PCDHGA8: variants seen among roughly 807,000 people sequenced by gnomAD.
The protein encoded by PCDHGA8 is protocadherin gamma subfamily A, 8.
Under a neutral mutation model 59.2 loss-of-function variants are expected in PCDHGA8, and 45 were observed. The ratio of observed to expected loss-of-function variants is 0.76; its 90% CI spans 0.60 to 0.98. PCDHGA8 has a LOEUF of 0.98. PCDHGA8 is among the 50% of genes least tolerant of loss of function. The probability of loss-of-function intolerance (pLI) is 0.00; values close to 1 mark genes in which losing one functional copy is unlikely to be tolerated. For missense variants in PCDHGA8, 1,257 were observed against 1,196.2 expected, an observed-to-expected ratio of 1.05 and a Z score of -0.75; for synonymous variants, 531 against 519.0, an observed-to-expected ratio of 1.02 and a Z score of -0.32.
chr5:141,431,397 C>A lies in PCDHGA8; in HGVS notation c.2424+36160C>A. ...AAGGCTGCTCACCACCTGGTCCTTA[C>A]GGCCTCCGACGGGGGCGACCCGGTG... On this transcript the variant is annotated intron_variant, in intron 1 of 3. Coordinates refer to ENST00000398604, the MANE Select transcript of PCDHGA8 (RefSeq NM_032088.2). The surrounding 1 kb of genome is among the most constrained non-coding windows in gnomAD (Gnocchi z 4.8). 3.1e-6 allele frequency: 5 copies of A among 1,613,782 alleles called. No individual in the cohort carries two copies. Among genetic ancestry groups the A allele is most frequent in the Non-Finnish European group, 4.2e-6 (5 of 1,180,034 alleles).
At chr5:141,446,055 G>A (rs1431833512) in intron 1 of PCDHGA8, among the ~76,000 whole-genome samples, 1 of 152,190 alleles carries the variant, frequency 6.6e-6, no homozygotes, top group Non-Finnish European at 1.5e-5. Flanking sequence ...AGCTGGCTTG[G>A]ATTAAAGGGG....
At position 141,432,412 on chromosome 5, in the gene PCDHGA8, C is replaced by G. The variant is rs773688197; in HGVS notation, c.2424+37175C>G. 1.9e-6 allele frequency: 3 copies of G among 1,614,246 alleles called. No individual in the cohort carries two copies. The highest frequency in any genetic ancestry group is 2.2e-5 in the East Asian group (1 of 44,882). ...GCAGCAACGTGTCGTTGAGCCTGTT[C>G]GTGCTGGACCAGAACGACAATGCGC... On this transcript the variant is annotated intron_variant, in intron 1 of 3. Transcript: ENST00000398604. This position sits in a 1 kb window ranked among gnomAD's most constrained non-coding sequence, Gnocchi z 6.0.
At position 141,404,057 on chromosome 5, in the gene PCDHGA8, T is replaced by G. The variant is rs558471539; in HGVS notation, c.2424+8820T>G. ...ACCTCAGGGAACAGTAATTCTTCTT[T>G]TCAATGCTCATGACCGAGACTCCGG... On this transcript the variant is annotated intron_variant, in intron 1 of 3. Coordinates refer to ENST00000398604, the MANE Select transcript of PCDHGA8 (RefSeq NM_032088.2). 9.5e-5 allele frequency: 154 copies of G among 1,613,894 alleles called. No individual in the cohort carries two copies. The East Asian group carries it at 3.4e-3, about 36-fold the overall frequency.
intron 1 of PCDHGA8, among the ~76,000 whole-genome samples, chr5:141,401,338 A>G (rs2094142012): frequency 6.6e-6 from 1 of 152,186 alleles, no homozygotes; most frequent in Non-Finnish European, 1.5e-5. Flanking sequence ...GCAAAACTCC[A>G]TCTCAAAAAA....
intron 1 of PCDHGA8, chr5:141,413,956 G>A (rs2095696052): frequency 2.5e-6 from 4 of 1,613,366 alleles, no homozygotes; most frequent in African/African-American, 2.7e-5. Flanking sequence ...GAATTTGCCT[G>A]TGGGCACTCA....
At chr5:141,417,789 C>G in intron 1 of PCDHGA8, 1 of 1,477,596 alleles carries the variant, frequency 6.8e-7, no homozygotes, top group Non-Finnish European at 9.0e-7. Context: ...GGGCCGAATG[C>G]TCTTTTAGCG....
intron 1 of PCDHGA8, chr5:141,408,352 C>T: frequency 6.2e-7 from 1 of 1,613,918 alleles, no homozygotes; most frequent in South Asian, 1.1e-5. Flanking sequence ...TGGGGAACCT[C>T]GCTAAGGATC....
chr5:141,426,898 C>G (rs1246109323), intron 1 of PCDHGA8: 3 of 456,634 alleles, frequency 6.6e-6, no homozygotes, highest in Admixed American at 4.7e-5. Context: ...CAACAGAGCT[C>G]TCATCTCCTG....
At chr5:141,417,710 TC>T (rs1471403767) in intron 1 of PCDHGA8, 1 of 1,249,228 alleles carries the variant, frequency 8.0e-7, no homozygotes, top group Non-Finnish European at 1.1e-6. Flanking sequence ...ACACAGAGGC[TC>T]CCGGCTGCGC....
Position 141,490,854 on chromosome 5 carries a change from C to T in PCDHGA8, c.2425-3953C>T. On this transcript the variant is annotated intron_variant, in intron 1 of 3. Transcript: ENST00000398604. The surrounding 1 kb of genome is among the most constrained non-coding windows in gnomAD (Gnocchi z 5.4). The stretch of plus-strand genomic sequence containing the variant: ...TGCAGATTGTGGTGGGGGTTCGAGA[C>T]TCCGGCTCTCCCCCATTGCATGCCA... 6.2e-7 allele frequency: 1 copy of T among 1,613,900 alleles called. No homozygotes were observed. The highest frequency in any genetic ancestry group is 8.5e-7 in the Non-Finnish European group (1 of 1,179,914).
intron 1 of PCDHGA8, among the ~76,000 whole-genome samples, chr5:141,438,581 TACATAC>T (rs2097977343): frequency 4.0e-5 from 2 of 49,846 alleles, no homozygotes; most frequent in Non-Finnish European, 6.5e-5. Flanking sequence ...TATACATACA[TACATAC>T]ATACATATAT....
chr5:141,400,452 A>C, intron 1 of PCDHGA8: 3 of 1,614,038 alleles, frequency 1.9e-6, no homozygotes, highest in Non-Finnish European at 2.5e-6. Context: ...GACAAGACAT[A>C]CTTTGTGGTG....
chr5:141,437,956 T>A (rs998689841), intron 1 of PCDHGA8, among the ~76,000 whole-genome samples: 6 of 152,178 alleles, frequency 3.9e-5, no homozygotes, highest in African/African-American at 1.4e-4. Context: ...CAGAATGGTC[T>A]TGATCTCTTG....
At position 141,399,929 on chromosome 5, in the gene PCDHGA8, C is replaced by T. The variant is rs746168026; in HGVS notation, c.2424+4692C>T. 15 of 1,612,262 alleles carry T rather than the reference C, an allele frequency of 9.3e-6. No homozygotes were observed. The African/African-American group carries it at 1.1e-4, about 11-fold the overall frequency. On this transcript the variant is annotated intron_variant, in intron 1 of 3. Coordinates refer to ENST00000398604, the MANE Select transcript of PCDHGA8 (RefSeq NM_032088.2). ...GACTCAGGACACAACGCCTGGCTGT[C>T]CTACCACGTGCTGCAGGCTAGCGAG...
At chr5:141,478,299 G>A (rs201916687) in intron 1 of PCDHGA8, 1 of 1,614,056 alleles carries the variant, frequency 6.2e-7, no homozygotes, top group Non-Finnish European at 8.5e-7. Flanking sequence ...GACCTATACC[G>A]AGCCCCGGTG....
In PCDHGA8 at chr5:141,491,786, C is replaced by T; in HGVS notation, c.2425-3021C>T. The stretch of plus-strand genomic sequence containing the variant: ...CCTCATAAGGGATTGAACTTGCATC[C>T]ACTCCTCTCCGGCCGGCTTGGTCGC... On this transcript the variant is annotated intron_variant, in intron 1 of 3. Coordinates refer to ENST00000398604, the MANE Select transcript of PCDHGA8 (RefSeq NM_032088.2). This position sits in a 1 kb window ranked among gnomAD's most constrained non-coding sequence, Gnocchi z 6.9. The T allele has an allele frequency of 1.3e-6, 2 of 1,529,640 alleles. No individual in the cohort carries two copies. The highest frequency in any genetic ancestry group is 2.5e-5 in the South Asian group (2 of 80,832). The allele number at this position is 1,529,640 out of a possible 1,614,324, so 94.8% of individuals were successfully genotyped here.
Position 141,404,273 on chromosome 5 carries a change from C to A in PCDHGA8, c.2424+9036C>A, listed in dbSNP as rs751189949. 4.3e-6 allele frequency: 7 copies of A among 1,613,988 alleles called. No homozygotes were observed. The highest frequency in any genetic ancestry group is 5.9e-6 in the Non-Finnish European group (7 of 1,179,880). On this transcript the variant is annotated intron_variant, in intron 1 of 3. Coordinates refer to ENST00000398604, the MANE Select transcript of PCDHGA8 (RefSeq NM_032088.2). ...GTCCACAGAAATTCACATCACCCTG[C>A]AAGTGACTGACATCAATGATAATCC...
At chr5:141,461,617 C>T (rs1297064745) in intron 1 of PCDHGA8, among the ~76,000 whole-genome samples, 1 of 152,090 alleles carries the variant, frequency 6.6e-6, no homozygotes, top group African/African-American at 2.4e-5. Flanking sequence ...AAAGTATTTT[C>T]TAATACACCT....
At chr5:141,427,678 C>T in intron 1 of PCDHGA8, 1 of 822,634 alleles carries the variant, frequency 1.2e-6, no homozygotes, top group Non-Finnish European at 2.0e-6. Flanking sequence ...AACAACCTTC[C>T]CGGAGCCTCC....
Sources: gnomAD v4.1 joint callset for allele counts (sites outside exome capture counted in the v4.1 genomes callset) on GRCh38, gnomAD v4.1.1 for gene constraint, Gnocchi (gnomAD v3.1) non-coding constraint, MANE v1.5 for transcripts, NCBI Gene and HGNC (gene_info 2026-07-23, HGNC 2026-07-21) for gene names.